Variants in FBN1 observed in about 807,000 individuals in gnomAD.
The protein encoded by FBN1 is fibrillin 1.
Under a neutral mutation model 365.1 loss-of-function variants are expected in FBN1, and 29 were observed. The ratio of observed to expected loss-of-function variants is 0.08; its 90% CI spans 0.06 to 0.11. The LOEUF is 0.11. Among genes scored for constraint, FBN1 ranks in the 10% least tolerant of loss-of-function variants. FBN1 has a pLI of 1.00. For synonymous variants in FBN1, 1,210 were observed against 1,270.5 expected, an observed-to-expected ratio of 0.95 and a Z score of 1.01; for missense variants, 2,476 against 3,703.2, an observed-to-expected ratio of 0.67 and a Z score of 8.60.
At chr15:48,505,689 T>C (rs1348079425) in intron 15 of FBN1, among the ~76,000 whole-genome samples, 1 of 152,182 alleles carries the variant, frequency 6.6e-6, no homozygotes, top group African/African-American at 2.4e-5. Context: ...TGAATATAGA[T>C]TATTTTCATG....
intron 6 of FBN1, among the ~76,000 whole-genome samples, chr15:48,581,238 T>G (rs2044389685): frequency 6.6e-6 from 1 of 152,186 alleles, no homozygotes; most frequent in Non-Finnish European, 1.5e-5. Context: ...AGGAGATAAT[T>G]CTAAATTTCC....
intron 4 of FBN1, among the ~76,000 whole-genome samples, chr15:48,603,078 T>G (rs1001257226): frequency 6.6e-6 from 1 of 152,238 alleles, no homozygotes; most frequent in Non-Finnish European, 1.5e-5. Flanking sequence ...TTTGTTCAAG[T>G]TGAAAATCAG....
At chr15:48,631,794 G>C (rs1006055547) in intron 2 of FBN1, among the ~76,000 whole-genome samples, 2 of 152,216 alleles carry the variant, frequency 1.3e-5, no homozygotes, top group African/African-American at 4.8e-5. Context: ...TACTCCAACA[G>C]AGGCAATTAA....
intron 42 of FBN1, 83 bp from the exon 43 acceptor site, chr15:48,460,400 G>T: frequency 1.2e-6 from 1 of 858,318 alleles, no homozygotes; most frequent in Non-Finnish European, 2.0e-6. Flanking sequence ...TATTTTGTAA[G>T]CATTCTTGAA....
intron 6 of FBN1, among the ~76,000 whole-genome samples, chr15:48,560,097 AC>A: frequency 6.6e-6 from 1 of 152,120 alleles, no homozygotes; most frequent in Non-Finnish European, 1.5e-5. Context: ...AATCAGGCTC[AC>A]CCTGGGTATT....
chr15:48,605,676 C>T (rs1346187750), intron 4 of FBN1, among the ~76,000 whole-genome samples: 1 of 152,078 alleles, frequency 6.6e-6, no homozygotes, highest in Non-Finnish European at 1.5e-5. Flanking sequence ...AGTTCAAGAC[C>T]AGCCTGGGCA....
At chr15:48,525,942 G>A (rs538787630) in intron 9 of FBN1, among the ~76,000 whole-genome samples, 188 bp downstream of exon 9, 5 of 152,264 alleles carry the variant, frequency 3.3e-5, no homozygotes, top group East Asian at 3.9e-4. Context: ...GAGGCAAAAC[G>A]TCTCCAAAAT....
Position 48,503,505 on chromosome 15 carries a change from TTTAGA to T in FBN1, c.2113+277_2113+281del, listed in dbSNP as rs780045192. Among the ~76,000 whole-genome samples the T allele has an allele frequency of 2.5e-3, 379 of 152,294 alleles. 1 individual carries two copies. The highest frequency in any genetic ancestry group is 9.0e-3 in the African/African-American group (372 of 41,562). ...CAAAATGCAAACATCATGAAACAACTTTAGAAAACAAGGCAAGGTGCATGTATTGC... is the reference window on the plus strand; with the variant it reads ...CAAAATGCAAACATCATGAAACAACTAAACAAGGCAAGGTGCATGTATTGC... On this transcript the variant is annotated intron_variant, in intron 17 of 65. Coordinates refer to ENST00000316623, the MANE Select transcript of FBN1 (RefSeq NM_000138.5).
At chr15:48,421,761 G>T in intron 61 of FBN1, 75 bp from the exon 62 acceptor site, 1 of 1,558,270 alleles carries the variant, frequency 6.4e-7, no homozygotes, top group Non-Finnish European at 8.7e-7. Flanking sequence ...AAGAAAATTA[G>T]AAGGATAACT....
intron 6 of FBN1, among the ~76,000 whole-genome samples, chr15:48,548,055 T>C (rs1204281017): frequency 2.0e-5 from 3 of 152,172 alleles, no homozygotes; most frequent in Non-Finnish European, 4.4e-5. Context: ...CAAGAGAAGA[T>C]TCCTGACAAA....
chr15:48,599,853 T>C (rs1174561222), intron 5 of FBN1, among the ~76,000 whole-genome samples: 1 of 152,210 alleles, frequency 6.6e-6, no homozygotes, highest in African/African-American at 2.4e-5. Flanking sequence ...ACAAGAATTC[T>C]GCTCCTTTGG....
chr15:48,602,707 T>A (rs1472879171), intron 4 of FBN1, among the ~76,000 whole-genome samples: 3 of 152,320 alleles, frequency 2.0e-5, no homozygotes, highest in South Asian at 4.1e-4. Flanking sequence ...GCTCTTATGA[T>A]TCCGTTAAAA....
intron 26 of FBN1, 37 bp downstream of exon 26, chr15:48,488,331 C>T (rs543713036): frequency 5.0e-6 from 8 of 1,614,182 alleles, no homozygotes; most frequent in East Asian, 2.2e-5. Flanking sequence ...TTTTAAAGGA[C>T]GTCCCCTCTC....
chr15:48,550,701 T>A (rs912592386), intron 6 of FBN1, among the ~76,000 whole-genome samples: 4 of 152,050 alleles, frequency 2.6e-5, no homozygotes, highest in Non-Finnish European at 5.9e-5. Flanking sequence ...CTTCCACACG[T>A]CTTTGCAAAT....
At position 48,409,620 on chromosome 15, in the gene FBN1, C is replaced by G. The variant is rs887593257; in HGVS notation, c.*1370G>C. ...CAATTGGATACAGTCTGGGATTATC[C>G]CTTTGTAATTAGATGAGCATTGACT... On this transcript the variant is annotated 3_prime_UTR_variant, in exon 66 of 66. Coordinates refer to ENST00000316623, the MANE Select transcript of FBN1 (RefSeq NM_000138.5). The G allele has an allele frequency of 2.6e-5, 4 of 152,082 alleles. No homozygotes were observed. Among genetic ancestry groups the G allele is most frequent in the Admixed American group, 2.6e-4 (4 of 15,280 alleles). 9.4% of individuals were successfully genotyped at this position (152,082 alleles called of 1,614,324 possible).
At chr15:48,415,871 C>A (rs1460279590) in intron 63 of FBN1, 104 bp from the exon 64 acceptor site, 9 of 927,748 alleles carry the variant, frequency 9.7e-6, no homozygotes, top group Non-Finnish European at 1.6e-5. Flanking sequence ...CTCAGCTAGG[C>A]TCTCAGGAAG....
At chr15:48,588,984 G>T (rs143555814) in intron 6 of FBN1, among the ~76,000 whole-genome samples, 12 of 152,208 alleles carry the variant, frequency 7.9e-5, no homozygotes, top group Admixed American at 2.0e-4. Context: ...ATTTGCTAAC[G>T]TGTCAATAGT....
In FBN1 at chr15:48,415,734, C is replaced by G; in HGVS notation, c.7853G>C (p.Gly2618Ala). ...ENECLSAHIC[G>A]GASCHNTLGS... Reference sequence around the variant, plus strand: ...CAGGGTGTTGTGACAGGAGGCTCCTCCGCAGATGTGAGCGCTGAGGCATTC... The same window carrying G: ...CAGGGTGTTGTGACAGGAGGCTCCTGCGCAGATGTGAGCGCTGAGGCATTC... Residue 2618 changes from glycine (G) to alanine (A), a missense_variant, in exon 64 of 66, where the codon GGA becomes GCA. Around this residue, in one of 5 missense-constraint regions of FBN1, gnomAD observed 1,780 missense variants for 2,840.8 expected, o/e 0.63. Coordinates refer to ENST00000316623, the MANE Select transcript of FBN1 (RefSeq NM_000138.5). 1 of 1,614,238 alleles carries G rather than the reference C, an allele frequency of 6.2e-7. No individual in the cohort carries two copies. The highest frequency in any genetic ancestry group is 8.5e-7 in the Non-Finnish European group (1 of 1,180,054).
chr15:48,516,123 TA>T (rs755708848), intron 11 of FBN1, 59 bp downstream of exon 11: 7 of 1,473,294 alleles, frequency 4.8e-6, no homozygotes, highest in East Asian at 2.3e-5. Context: ...AAATAAATAA[TA>T]AAAAAATGTT....
Sources: allele counts gnomAD v4.1 joint callset (sites outside exome capture counted in the v4.1 genomes callset), GRCh38; gene constraint gnomAD v4.1.1; regional missense constraint gnomAD v4.1.1; transcripts MANE v1.5; gene names NCBI Gene and HGNC (gene_info 2026-07-23, HGNC 2026-07-21).